The following ZFP62 variants were observed in gnomAD, a reference collection of about 807,000 sequenced individuals.
The protein encoded by ZFP62 is zinc finger protein 62 homolog.
ZFP62 carries 44 observed loss-of-function variants against 56.4 expected under a neutral mutation model. That is an observed-to-expected ratio of 0.78 (90% CI 0.61 to 1.00). The LOEUF (loss-of-function observed/expected upper bound fraction) is 1.00, where lower values mean the gene tolerates loss of function less well. Among genes scored for constraint, ZFP62 ranks in the 50% least tolerant of loss-of-function variants. ZFP62 has a pLI of 0.00. For synonymous variants in ZFP62, 421 were observed against 388.9 expected, an observed-to-expected ratio of 1.08 and a Z score of -0.97; for missense variants, 1,030 against 1,085.7, an observed-to-expected ratio of 0.95 and a Z score of 0.72.
chr5:180,839,059 G>A, the ZFP62 span, among the ~76,000 whole-genome samples: 3 of 152,198 alleles, frequency 2.0e-5, no homozygotes, highest in African/African-American at 4.8e-5. Context: ...TACAATGAGT[G>A]TACTAGGAAA....
the ZFP62 span, among the ~76,000 whole-genome samples, chr5:180,838,832 A>G: frequency 6.6e-6 from 1 of 152,252 alleles, no homozygotes; most frequent in Non-Finnish European, 1.5e-5. Flanking sequence ...TGTCAAAAGT[A>G]TAAATTGTTA....
In ZFP62 at chr5:180,849,719, G is replaced by C. The variant is rs769293098; in HGVS notation, c.1776C>G (p.Asp592Glu). Residue 592 changes from aspartate to glutamate, a missense_variant, in exon 2 of 2, where the codon GAC (aspartate) becomes GAG (glutamate). Transcript: ENST00000502412. ...VHPGEKPFKC[D>E]ECEKAFITYR... is the part of the protein sequence containing the mutation. ...ATGTGATGAAGGCCTTCTCACACTC[G>C]TCACACTTAAAGGGCTTCTCCCCAG... 5.8e-6 allele frequency: 9 copies of C among 1,551,292 alleles called. No individual in the cohort carries two copies. Among genetic ancestry groups the C allele is most frequent in the Non-Finnish European group, 5.2e-6 (6 of 1,147,004 alleles).
At chr5:180,861,098 G>A in intron 1 of ZFP62, 121 bp downstream of exon 1, 2 of 398,086 alleles carry the variant, frequency 5.0e-6, no homozygotes, top group Non-Finnish European at 8.9e-6. Flanking sequence ...GCGGGGAGGG[G>A]GCACGCTTAC....
At chr5:180,856,971 A>AGG in intron 1 of ZFP62, among the ~76,000 whole-genome samples, 1 of 151,048 alleles carries the variant, frequency 6.6e-6, no homozygotes, top group East Asian at 1.9e-4. Context: ...AAAAAAAAAA[A>AGG]AAAAAAAGCA....
chr5:180,850,772 G>T lies in ZFP62; in HGVS notation c.723C>A (p.Asp241Glu). 1 of 1,597,676 alleles carries T rather than the reference G, an allele frequency of 6.3e-7. No individual in the cohort carries two copies. The highest frequency in any genetic ancestry group is 8.5e-7 in the Non-Finnish European group (1 of 1,171,964). The part of the protein sequence containing the change: ...GKSFNYSSVL[D>E]QHKRIHTGEK... ...CCCCAGTGTGGATCCTTTTATGCTG[G>T]TCCAGAACAGAGCTATAATTGAAGG... Residue 241 changes from aspartate (D) to glutamate (E), a missense_variant, in exon 2 of 2, where the codon GAC (aspartate) becomes GAA (glutamate). Physicochemically the swap from Asp to Glu is conservative, Grantham distance 45 (BLOSUM62 2). Coordinates refer to ENST00000502412, the MANE Select transcript of ZFP62 (RefSeq NM_001172638.2).
intron 1 of ZFP62, among the ~76,000 whole-genome samples, chr5:180,858,347 G>A (rs1051713384): frequency 6.6e-6 from 1 of 151,096 alleles, no homozygotes; most frequent in Non-Finnish European, 1.5e-5. Context: ...GTTCATGCCT[G>A]TAATCTCAGC....
At chr5:180,833,276 C>T in the ZFP62 span, among the ~76,000 whole-genome samples, 1 of 151,798 alleles carries the variant, frequency 6.6e-6, no homozygotes, top group African/African-American at 2.4e-5. Context: ...GTCAAGAGAT[C>T]GAGACCATCC....
chr5:180,837,386 C>G, the ZFP62 span, among the ~76,000 whole-genome samples: 1 of 152,192 alleles, frequency 6.6e-6, no homozygotes, highest in Non-Finnish European at 1.5e-5. Context: ...GTCTACTTCT[C>G]TGAGCTTTGA....
chr5:180,848,913 G>A lies in ZFP62; in HGVS notation c.2582C>T (p.Thr861Ile), dbSNP rs138860378. The A allele has an allele frequency of 1.1e-3, 1,673 of 1,551,634 alleles. 16 individuals are homozygous for A. The African/African-American group carries it at 0.014, about 13-fold the overall frequency. ...ATTTAAAGATTCCTCTCCAGTATGG[G>A]TTCTTTTATGCTTGGTGAGATTTGA... ...IRSNLTKHKR[T>I]HTGEESLNVI... is the part of the protein sequence containing the mutation. Residue 861 changes from threonine (T) to isoleucine (I), a missense_variant, in exon 2 of 2, where the codon ACC (threonine) becomes ATC (isoleucine). By Grantham distance (89) the Thr-to-Ile change is moderately conservative. Coordinates refer to ENST00000502412, the MANE Select transcript of ZFP62 (RefSeq NM_001172638.2).
At chr5:180,847,361 C>G (rs1773439698), downstream of ZFP62, among the ~76,000 whole-genome samples, 1 of 53,532 alleles carries the variant, frequency 1.9e-5, no homozygotes, top group African/African-American at 5.9e-5. Flanking sequence ...ATCACTCACA[C>G]AACCTACCTG....
rs763995593 is a variant in ZFP62 at position 180,850,734 on chromosome 5, T to G, written c.761A>C (p.Glu254Ala). 2.5e-6 allele frequency: 4 copies of G among 1,607,060 alleles called. No homozygotes were observed. Among genetic ancestry groups the G allele is most frequent in the African/African-American group, 2.7e-5 (2 of 74,764 alleles). ...KRIHTGEKPY[E>A]CGECGKAFRN... ...GAAGGCCTTCCCACACTCACCACAT[T>G]CATAGGGCTTCTCCCCAGTGTGGAT... The change falls in exon 2 of 2, where the codon GAA becomes GCA. Residue 254 changes from glutamate (E) to alanine (A), a missense_variant. By Grantham distance (107) the Glu-to-Ala change is moderately radical (BLOSUM62 -1). Transcript: ENST00000502412.
Position 180,850,914 on chromosome 5 carries a change from TC to T in ZFP62, c.580del (p.Glu194ArgfsTer20). ...LRVHKRIHTGEKPYKCEECGK... is the reference protein window; with the variant it reads ...LRVHKRIHTGXKPYKCEECGK... Reference sequence around the variant, plus strand: ...ACATTCCTCACACTTGTACGGCTTCTCCCCAGTGTGGATCCGTTTGTGGACC... The same window carrying T: ...ACATTCCTCACACTTGTACGGCTTCTCCCAGTGTGGATCCGTTTGTGGACC... On this transcript the variant is annotated frameshift_variant, in exon 2 of 2. Coordinates refer to ENST00000502412, the MANE Select transcript of ZFP62 (RefSeq NM_001172638.2). LOFTEE classifies it high-confidence loss of function. 6.4e-7 allele frequency: 1 copy of T among 1,564,072 alleles called. No homozygotes were observed. Among genetic ancestry groups the T allele is most frequent in the Non-Finnish European group, 8.7e-7 (1 of 1,154,648 alleles).
the ZFP62 span, among the ~76,000 whole-genome samples, chr5:180,842,362 C>T: frequency 9.9e-5 from 15 of 152,144 alleles, no homozygotes; most frequent in South Asian, 2.9e-3. Context: ...AAGATAAATA[C>T]ACAAATTTAA....
intron 1 of ZFP62, among the ~76,000 whole-genome samples, chr5:180,861,004 TC>T (rs1054538508): frequency 6.6e-6 from 1 of 152,056 alleles, no homozygotes; most frequent in African/African-American, 2.4e-5. Context: ...CCCAGTCTGT[TC>T]CAGGGGCGCG....
the ZFP62 span, chr5:180,830,867 G>C: frequency 6.9e-6 from 1 of 145,802 alleles, no homozygotes; most frequent in Non-Finnish European, 1.6e-5. Context: ...GGGTCTTTAA[G>C]GTTAGAGGGA....
chr5:180,831,187 C>A, the ZFP62 span: 1 of 154,186 alleles, frequency 6.5e-6, no homozygotes, highest in South Asian at 1.9e-4. Flanking sequence ...TCTCACAGCC[C>A]GCCGCCGCCG....
downstream of ZFP62, among the ~76,000 whole-genome samples, chr5:180,846,849 G>C (rs142513000): frequency 5.4e-3 from 815 of 152,286 alleles, 6 homozygotes; most frequent in African/African-American, 0.019. Context: ...TCAAGTATTT[G>C]CTGAATAAAT....
At chr5:180,852,078 T>C in intron 1 of ZFP62, 1 of 951,320 alleles carries the variant, frequency 1.1e-6, no homozygotes, top group Non-Finnish European at 1.3e-6. Context: ...TTAAAATATA[T>C]TATTAAACGT....
chr5:180,855,148 TGAAA>T (rs1773902690), intron 1 of ZFP62, among the ~76,000 whole-genome samples: 1 of 152,214 alleles, frequency 6.6e-6, no homozygotes, highest in Admixed American at 6.5e-5. Flanking sequence ...CTTGCATGTA[TGAAA>T]GAGAGAGCAA....
Sources: allele counts gnomAD v4.1 joint callset (sites outside exome capture counted in the v4.1 genomes callset), GRCh38; gene constraint gnomAD v4.1.1; transcripts MANE v1.5; gene names NCBI Gene and HGNC (gene_info 2026-07-23, HGNC 2026-07-21).